Variants in OTUD7A observed in about 807,000 individuals in gnomAD.
OTUD7A encodes the protein OTU deubiquitinase 7A.
A neutral mutation model predicts 65.7 loss-of-function variants in OTUD7A; 12 were observed. The ratio of observed to expected loss-of-function variants is 0.18; its 90% CI spans 0.12 to 0.30. The LOEUF (loss-of-function observed/expected upper bound fraction) is 0.30. OTUD7A is among the 10% of genes least tolerant of loss of function. OTUD7A has a pLI of 1.00. For synonymous variants in OTUD7A, 641 were observed against 586.3 expected (o/e 1.09, Z -1.35); for missense variants, 1,148 against 1,304.8 (o/e 0.88, Z 1.85).
intron 5 of OTUD7A, among the ~76,000 whole-genome samples, chr15:31,555,605 A>G (rs1306805566): frequency 6.6e-6 from 1 of 152,068 alleles, no homozygotes; most frequent in Non-Finnish European, 1.5e-5. Flanking sequence ...CAAACTCCTC[A>G]CCCAGATGGG....
At chr15:31,808,940 C>T (rs942753461) in intron 1 of OTUD7A, among the ~76,000 whole-genome samples, 1 of 152,174 alleles carries the variant, frequency 6.6e-6, no homozygotes, top group Non-Finnish European at 1.5e-5. Flanking sequence ...GTGTGTGGCT[C>T]CTGCCTTTCC....
chr15:31,627,475 T>A (rs1890997198), intron 3 of OTUD7A, among the ~76,000 whole-genome samples: 1 of 152,156 alleles, frequency 6.6e-6, no homozygotes, highest in South Asian at 2.1e-4. Context: ...CACATTTTCT[T>A]AATCCAGTCT....
intron 1 of OTUD7A, among the ~76,000 whole-genome samples, chr15:31,792,737 CA>C (rs1442652644): frequency 2.6e-5 from 4 of 152,202 alleles, no homozygotes; most frequent in Non-Finnish European, 5.9e-5. Context: ...TGCCATCCCC[CA>C]CTGGCTTCTG....
At position 31,559,195 on chromosome 15, in the gene OTUD7A, G is replaced by A. The variant is rs537614284; in HGVS notation, c.332-8C>T. ...CCCGGGAAAGCCGCTTTTCTGCAGG[G>A]GGAGAAGGAAAGATAGCCCCAAGGG... On this transcript the variant is annotated splice_polypyrimidine_tract_variant and splice_region_variant and intron_variant, in intron 4 of 12. Transcript: ENST00000307050. The A allele has an allele frequency of 6.2e-7, 1 of 1,611,400 alleles. No homozygotes were observed. Among genetic ancestry groups the A allele is most frequent in the South Asian group, 1.1e-5 (1 of 90,754 alleles).
intron 8 of OTUD7A, among the ~76,000 whole-genome samples, chr15:31,519,976 A>C (rs2041915835): frequency 1.3e-5 from 2 of 151,704 alleles, no homozygotes; most frequent in African/African-American, 4.9e-5. Context: ...CAAAATGCTG[A>C]AGAAAAAAAT....
chr15:31,812,825 C>T (rs966546392), intron 1 of OTUD7A, among the ~76,000 whole-genome samples: 1 of 152,202 alleles, frequency 6.6e-6, no homozygotes. Flanking sequence ...CCAAGCCACA[C>T]ACCCCAAGCT....
intron 1 of OTUD7A, among the ~76,000 whole-genome samples, chr15:31,704,667 C>T (rs1055130917): frequency 5.9e-5 from 9 of 151,738 alleles, no homozygotes; most frequent in Admixed American, 3.9e-4. Flanking sequence ...ATAATGTCCC[C>T]AGTGTTCCCC....
intron 1 of OTUD7A, among the ~76,000 whole-genome samples, chr15:31,714,705 A>G (rs1893537949): frequency 6.6e-6 from 1 of 152,208 alleles, no homozygotes; most frequent in South Asian, 2.1e-4. Context: ...GAAAAACAGC[A>G]TTACTGGCAT....
intron 3 of OTUD7A, among the ~76,000 whole-genome samples, chr15:31,635,377 T>C (rs546297290): frequency 3.9e-4 from 59 of 152,310 alleles, no homozygotes; most frequent in African/African-American, 1.2e-3. Flanking sequence ...TTGTTGAAGA[T>C]TGCACAGTAA....
intron 1 of OTUD7A, among the ~76,000 whole-genome samples, chr15:31,704,481 T>C (rs142055344): frequency 0.021 from 3,013 of 145,846 alleles, 43 homozygotes; most frequent in African/African-American, 0.071. Context: ...TTCTCAAATA[T>C]ACCTATTTGA....
intron 12 of OTUD7A, among the ~76,000 whole-genome samples, chr15:31,485,204 G>C (rs1332570601): frequency 6.6e-6 from 1 of 152,186 alleles, no homozygotes; most frequent in African/African-American, 2.4e-5. Context: ...TAAGGATGGA[G>C]GCCTTCAGGT....
Position 31,624,575 on chromosome 15 carries a change from T to C in OTUD7A, c.151+30521A>G, listed in dbSNP as rs187480133. 2.1e-4 allele frequency among the ~76,000 whole-genome samples: 32 copies of C among 152,350 alleles called. 1 individual carries two copies. The highest frequency in any genetic ancestry group is 2.0e-3 in the Admixed American group (31 of 15,306). Reference sequence around the variant, plus strand: ...AGAAAATGACCATTGATGAAGGGCATAAAATTGCATTTTGTATGGAAATAT... The same window carrying C: ...AGAAAATGACCATTGATGAAGGGCACAAAATTGCATTTTGTATGGAAATAT... On this transcript the variant is annotated intron_variant, in intron 3 of 12. Transcript: ENST00000307050.
At chr15:31,578,206 T>G (rs12443157) in intron 3 of OTUD7A, among the ~76,000 whole-genome samples, 13 of 152,056 alleles carry the variant, frequency 8.5e-5, no homozygotes, top group Non-Finnish European at 1.8e-4. Flanking sequence ...CAGGAAAAGC[T>G]GACCAGCATT....
intron 1 of OTUD7A, among the ~76,000 whole-genome samples, chr15:31,790,819 G>A (rs1465212918): frequency 6.6e-6 from 1 of 152,198 alleles, no homozygotes; most frequent in African/African-American, 2.4e-5. Context: ...CCCAGAGCAT[G>A]CAGGAGAGGC....
At chr15:31,627,203 T>C (rs533997718) in intron 3 of OTUD7A, among the ~76,000 whole-genome samples, 1 of 151,834 alleles carries the variant, frequency 6.6e-6, no homozygotes, top group Admixed American at 6.6e-5. Flanking sequence ...ACTCGTCATT[T>C]AGCATTAGGT....
intron 3 of OTUD7A, among the ~76,000 whole-genome samples, chr15:31,588,205 T>C (rs78709767): frequency 5.7e-4 from 87 of 152,288 alleles, no homozygotes; most frequent in African/African-American, 2.0e-3. Context: ...GAAAAAGCAA[T>C]TTAATTCCAT....
At chr15:31,670,858 G>A (rs1892464857) in intron 1 of OTUD7A, among the ~76,000 whole-genome samples, 1 of 152,128 alleles carries the variant, frequency 6.6e-6, no homozygotes, top group South Asian at 2.1e-4. Flanking sequence ...AGCCGGGCGT[G>A]GTGGCGGGCG....
chr15:31,703,644 A>C, intron 1 of OTUD7A, among the ~76,000 whole-genome samples: 1 of 152,100 alleles, frequency 6.6e-6, no homozygotes, highest in Non-Finnish European at 1.5e-5. Context: ...TGACACAGCC[A>C]CTCTGGAAAG....
At chr15:31,595,914 C>T (rs1223186027) in intron 3 of OTUD7A, among the ~76,000 whole-genome samples, 1 of 152,072 alleles carries the variant, frequency 6.6e-6, no homozygotes, top group Non-Finnish European at 1.5e-5. Flanking sequence ...TCTCCATCCC[C>T]AAGCCAGCAA....
Sources: allele counts gnomAD v4.1 joint callset (sites outside exome capture counted in the v4.1 genomes callset), GRCh38; gene constraint gnomAD v4.1.1; transcripts MANE v1.5; gene names NCBI Gene and HGNC (gene_info 2026-07-23, HGNC 2026-07-21).